Variants in PCGF6 observed in about 807,000 individuals in gnomAD.
PCGF6 encodes polycomb group ring finger 6.
PCGF6 carries 24 observed loss-of-function variants against 45.5 expected under a neutral mutation model. That is an observed-to-expected ratio of 0.53 (90% CI 0.38 to 0.74). PCGF6 has a LOEUF of 0.74. Ranked by LOEUF, PCGF6 falls within the 30% of genes least tolerant of loss-of-function variation. PCGF6 has a pLI of 0.00. For missense variants in PCGF6, 356 were observed against 443.2 expected (o/e 0.80, Z 1.77); for synonymous variants, 152 against 162.1 (o/e 0.94, Z 0.47).
intron 8 of PCGF6, among the ~76,000 whole-genome samples, chr10:103,322,940 C>A (rs928427012): frequency 1.3e-5 from 2 of 150,532 alleles, no homozygotes; most frequent in African/African-American, 4.9e-5. Flanking sequence ...AAAACATACA[C>A]ACACACAGAC....
intron 8 of PCGF6, among the ~76,000 whole-genome samples, chr10:103,317,684 T>TA (rs919559697): frequency 3.3e-5 from 5 of 150,168 alleles, no homozygotes; most frequent in South Asian, 4.2e-4. Context: ...GTAACAAACT[T>TA]AAAAAAAATT....
At chr10:103,345,262 C>CT in intron 5 of PCGF6, 130 bp from the exon 6 acceptor site, 1 of 658,278 alleles carries the variant, frequency 1.5e-6, no homozygotes, top group Non-Finnish European at 2.5e-6. Context: ...ATCTCCCTGT[C>CT]TTTAATGACA....
At position 103,315,609 on chromosome 10, in the gene PCGF6, T is replaced by C. The variant is rs531243881; in HGVS notation, c.910-1337A>G. On this transcript the variant is annotated intron_variant, in intron 8 of 9. Coordinates refer to ENST00000369847, the MANE Select transcript of PCGF6 (RefSeq NM_001011663.2). Reference sequence around the variant, plus strand: ...CTCCTGACCTGATGATCCGCCCACCTCAGCCTCCCAAAATGCTGGGATTAC... The same window carrying C: ...CTCCTGACCTGATGATCCGCCCACCCCAGCCTCCCAAAATGCTGGGATTAC... Among the ~76,000 whole-genome samples the C allele has an allele frequency of 3.9e-5, 6 of 152,288 alleles. No individual in the cohort carries two copies. The South Asian group carries it at 8.3e-4, about 21-fold the overall frequency.
In PCGF6 at chr10:103,350,783, T is replaced by A; in HGVS notation, c.284A>T (p.Glu95Val). Residue 95 changes from glutamate (E) to valine (V), a missense_variant, in exon 1 of 10, where the codon GAG becomes GTG. Glu to Val is a moderately radical substitution (Grantham distance 121, BLOSUM62 -2). Transcript: ENST00000369847. The stretch of plus-strand genomic sequence containing the variant: ...GTGACTCATGTCCTCCTCCTCCTCC[T>A]CTTCTTCCTCCTCCAGCTCCTCTTC... Reference protein sequence around the residue: ...EEEEELEEEEEEEEEDMSHFS... With the variant: ...EEEEELEEEEVEEEEDMSHFS... The A allele has an allele frequency of 6.4e-7, 1 of 1,562,188 alleles. No homozygotes were observed.
At chr10:103,307,527 G>A (rs1167766645) in intron 9 of PCGF6, among the ~76,000 whole-genome samples, 1 of 152,168 alleles carries the variant, frequency 6.6e-6, no homozygotes, top group African/African-American at 2.4e-5. Context: ...CGCACAGGCT[G>A]GCATGAATGA....
intron 6 of PCGF6, among the ~76,000 whole-genome samples, chr10:103,342,221 A>G (rs1592075642): frequency 6.9e-6 from 1 of 145,720 alleles, no homozygotes; most frequent in East Asian, 2.0e-4. Context: ...AGAGTGAGCC[A>G]CTGCACCCGG....
chr10:103,303,368 T>C lies in PCGF6; in HGVS notation c.*537A>G, dbSNP rs2093125974. 1 of 152,488 alleles carries C rather than the reference T, an allele frequency of 6.6e-6. No homozygotes were observed. Among genetic ancestry groups the C allele is most frequent in the South Asian group, 2.1e-4 (1 of 4,848 alleles). The allele number at this position is 152,488 out of a possible 1,614,324, so 9.4% of individuals were successfully genotyped here. A position where few individuals can be genotyped will look rare whatever the true frequency, so the allele number is the denominator to read the frequency against. On this transcript the variant is annotated 3_prime_UTR_variant, in exon 10 of 10. Transcript: ENST00000369847. The stretch of plus-strand genomic sequence containing the variant: ...TTTGAAATGAGTAACTTCTCCTTTG[T>C]AGTGTTGCTAGTATAAAAAAAGGTA...
At chr10:103,315,996 A>G (rs7085765) in intron 8 of PCGF6, among the ~76,000 whole-genome samples, 11,197 of 94,688 alleles carry the variant, frequency 0.12, 367 homozygotes, top group South Asian at 0.22. Flanking sequence ...GTGTGTGTGT[A>G]TATATATATA....
chr10:103,347,103 A>G, intron 5 of PCGF6, 135 bp downstream of exon 5: 1 of 634,022 alleles, frequency 1.6e-6, no homozygotes, highest in South Asian at 2.5e-5. Context: ...AATAAATTGG[A>G]TTACACACAG....
At chr10:103,339,810 AACAC>A (rs201660003) in intron 6 of PCGF6, among the ~76,000 whole-genome samples, 1,577 of 32,002 alleles carry the variant, frequency 0.049, 51 homozygotes, top group East Asian at 0.085. Context: ...TCAAAAAAAA[AACAC>A]ACACACACAC....
intron 9 of PCGF6, among the ~76,000 whole-genome samples, chr10:103,310,344 GAGA>G (rs1020997359): frequency 1.3e-5 from 2 of 152,094 alleles, no homozygotes; most frequent in Non-Finnish European, 2.9e-5. Flanking sequence ...TGGTGCTAGG[GAGA>G]AGAATTAACT....
At chr10:103,328,020 C>A (rs950722648) in intron 7 of PCGF6, among the ~76,000 whole-genome samples, 2 of 151,984 alleles carry the variant, frequency 1.3e-5, no homozygotes, top group Non-Finnish European at 2.9e-5. Context: ...ACTATCTAGA[C>A]ACATGTGGCT....
intron 8 of PCGF6, among the ~76,000 whole-genome samples, chr10:103,324,284 C>T (rs1012588796): frequency 2.7e-5 from 4 of 146,054 alleles, no homozygotes; most frequent in African/African-American, 7.9e-5. Flanking sequence ...TAAAACTTAA[C>T]ACATGATGGA....
intron 8 of PCGF6, among the ~76,000 whole-genome samples, chr10:103,321,299 T>C (rs896092213): frequency 6.6e-6 from 1 of 152,174 alleles, no homozygotes; most frequent in African/African-American, 2.4e-5. Flanking sequence ...CTTTATATCA[T>C]TTTATTTCAA....
At chr10:103,318,181 G>C (rs1002872336) in intron 8 of PCGF6, among the ~76,000 whole-genome samples, 1 of 147,422 alleles carries the variant, frequency 6.8e-6, no homozygotes, top group African/African-American at 2.5e-5. Context: ...GGTGGCTCAC[G>C]CCTGTAATCC....
At chr10:103,309,165 G>A (rs2093147845) in intron 9 of PCGF6, among the ~76,000 whole-genome samples, 1 of 149,598 alleles carries the variant, frequency 6.7e-6, no homozygotes, top group Non-Finnish European at 1.5e-5. Context: ...AATCATGATT[G>A]TCTTTTGAAA....
In PCGF6 at chr10:103,315,514, C is replaced by A. The variant is rs560267723; in HGVS notation, c.910-1242G>T. Among the ~76,000 whole-genome samples the A allele has an allele frequency of 8.5e-5, 13 of 152,280 alleles. No homozygotes were observed. In the East Asian group the frequency reaches 2.5e-3, roughly 29 times the overall value. On this transcript the variant is annotated intron_variant, in intron 8 of 9. Coordinates refer to ENST00000369847, the MANE Select transcript of PCGF6 (RefSeq NM_001011663.2). ...AGCTGGAACTACAGGCACCCACCAC[C>A]ATGCCCAGCTTATTTTTTGTATTTT...
intron 7 of PCGF6, among the ~76,000 whole-genome samples, chr10:103,329,701 G>C (rs1382404473): frequency 6.6e-6 from 1 of 151,942 alleles, no homozygotes; most frequent in Non-Finnish European, 1.5e-5. Context: ...TCAAACTCCT[G>C]ACCTCAGGTG....
chr10:103,324,354 C>T (rs1181775636), intron 8 of PCGF6, among the ~76,000 whole-genome samples: 4 of 141,476 alleles, frequency 2.8e-5, no homozygotes, highest in Admixed American at 2.0e-4. Context: ...AAAAGCAAAG[C>T]TATATAAATG....
Sources: gnomAD v4.1 joint callset for allele counts (sites outside exome capture counted in the v4.1 genomes callset) on GRCh38, gnomAD v4.1.1 for gene constraint, MANE v1.5 for transcripts, NCBI Gene and HGNC (gene_info 2026-07-23, HGNC 2026-07-21) for gene names.